Variants in LARGE1 observed in about 807,000 individuals in gnomAD.
LARGE1 encodes the protein LARGE xylosyl- and glucuronyltransferase 1.
A neutral mutation model predicts 87.6 loss-of-function variants in LARGE1; 43 were observed. The observed-to-expected ratio is 0.49, with a 90% CI of 0.38 to 0.63. LARGE1 has a LOEUF of 0.63. LARGE1 is among the 30% of genes least tolerant of loss of function. LARGE1 has a pLI of 0.00. For synonymous variants in LARGE1, 434 were observed against 394.6 expected, an observed-to-expected ratio of 1.10 and a Z score of -1.18; for missense variants, 802 against 1,000.2, an observed-to-expected ratio of 0.80 and a Z score of 2.67.
At chr22:33,774,731 A>G (rs763568748) in intron 1 of LARGE1, among the ~76,000 whole-genome samples, 4 of 152,228 alleles carry the variant, frequency 2.6e-5, no homozygotes, top group African/African-American at 4.8e-5. Context: ...ATCAATATAA[A>G]GCATTACTAA....
intron 2 of LARGE1, among the ~76,000 whole-genome samples, chr22:33,730,415 T>C (rs1025549154): frequency 3.3e-5 from 5 of 152,208 alleles, no homozygotes; most frequent in East Asian, 1.9e-4. Context: ...ATCTCCACGA[T>C]GTGCTTATTT....
chr22:33,572,015 A>T (rs1602499731), intron 5 of LARGE1: 12 of 346,792 alleles, frequency 3.5e-5, no homozygotes, highest in South Asian at 2.7e-4. Flanking sequence ...TCCAGGCCTT[A>T]ATTTTCTCAC....
intron 7 of LARGE1, among the ~76,000 whole-genome samples, chr22:33,391,262 T>C (rs1478943774): frequency 6.6e-6 from 1 of 152,132 alleles, no homozygotes; most frequent in Non-Finnish European, 1.5e-5. Context: ...ATTAGTTAAC[T>C]GGGGACTTGG....
intron 4 of LARGE1, among the ~76,000 whole-genome samples, chr22:33,621,973 A>G (rs1008974994): frequency 6.6e-6 from 1 of 152,152 alleles, no homozygotes; most frequent in African/African-American, 2.4e-5. Flanking sequence ...CCTTGTCTAT[A>G]AGAAACATCT....
chr22:33,344,874 G>A (rs4401302), intron 9 of LARGE1, among the ~76,000 whole-genome samples: 3,028 of 31,016 alleles, frequency 0.098, 159 homozygotes, highest in South Asian at 0.14. Flanking sequence ...TGAGGGAAAG[G>A]ATCAGCCATC....
chr22:33,531,894 C>T (rs953059641), intron 6 of LARGE1, among the ~76,000 whole-genome samples: 1 of 152,184 alleles, frequency 6.6e-6, no homozygotes, highest in African/African-American at 2.4e-5. Flanking sequence ...ATTATCTTGC[C>T]GGGTGAGCTT....
chr22:33,553,836 A>T (rs1409719645), intron 6 of LARGE1, among the ~76,000 whole-genome samples: 1 of 152,086 alleles, frequency 6.6e-6, no homozygotes, highest in Non-Finnish European at 1.5e-5. Flanking sequence ...ACCTCCAGAG[A>T]TGTCTTTCCT....
intron 2 of LARGE1, among the ~76,000 whole-genome samples, chr22:33,711,833 A>AT (rs1454846982): frequency 6.6e-6 from 1 of 151,378 alleles, no homozygotes. Context: ...TTATTGTTTT[A>AT]TTTTTTTTGC....
intron 2 of LARGE1, among the ~76,000 whole-genome samples, chr22:33,742,651 G>A (rs2145545851): frequency 6.6e-6 from 1 of 152,310 alleles, no homozygotes; most frequent in East Asian, 1.9e-4. Flanking sequence ...CGAGAGCACT[G>A]CCTAATAAAA....
At chr22:33,370,693 ATATGT>A (rs2064775031) in intron 9 of LARGE1, among the ~76,000 whole-genome samples, 1 of 151,748 alleles carries the variant, frequency 6.6e-6, no homozygotes, top group African/African-American at 2.4e-5. Flanking sequence ...ATGTTATATA[ATATGT>A]TATGTTGTAT....
At chr22:33,200,607 T>C (rs989071483) in intron 11 of LARGE1, among the ~76,000 whole-genome samples, 7 of 152,352 alleles carry the variant, frequency 4.6e-5, no homozygotes, top group East Asian at 3.9e-4. Context: ...CATCCACTGA[T>C]GAATGAATAA....
At chr22:33,305,944 T>C (rs1056200496) in intron 11 of LARGE1, among the ~76,000 whole-genome samples, 10 of 150,732 alleles carry the variant, frequency 6.6e-5, no homozygotes, top group African/African-American at 2.5e-4. Context: ...GTTCACGCCA[T>C]TCTCCTGCCT....
rs915849571 is a variant in LARGE1, at chr22:33,316,215, C to T, written c.1321G>A (p.Asp441Asn). ...QKQLSELDED[D>N]LCYEFRRERF... ...TCTCGCCGGAACTCATAGCACAGGTCGTCCTCGTCCAGCTCAGACAGCTGC... is the reference window on the plus strand; with the variant it reads ...TCTCGCCGGAACTCATAGCACAGGTTGTCCTCGTCCAGCTCAGACAGCTGC... Residue 441 changes from aspartate to asparagine, a missense_variant, in exon 11 of 15, where the codon GAC (aspartate) becomes AAC (asparagine). This residue lies in a region of LARGE1 where 625 missense variants were observed against 841.9 expected (regional missense o/e 0.74). Transcript: ENST00000397394. The T allele has an allele frequency of 9.3e-6, 15 of 1,613,948 alleles. No individual in the cohort carries two copies. Among genetic ancestry groups the T allele is most frequent in the East Asian group, 2.2e-5 (1 of 44,874 alleles).
chr22:33,627,011 G>C (rs1488050404), intron 3 of LARGE1, among the ~76,000 whole-genome samples: 1 of 152,200 alleles, frequency 6.6e-6, no homozygotes, highest in African/African-American at 2.4e-5. Context: ...GTGCTAAGGA[G>C]TGAGGGAACA....
At chr22:33,846,594 T>C (rs1303270039) in intron 1 of LARGE1, among the ~76,000 whole-genome samples, 2 of 152,256 alleles carry the variant, frequency 1.3e-5, no homozygotes, top group African/African-American at 4.8e-5. Flanking sequence ...AACAGAGCCA[T>C]ATTTCTCTTC....
intron 11 of LARGE1, among the ~76,000 whole-genome samples, chr22:33,190,434 C>G (rs1489762982): frequency 6.6e-6 from 1 of 152,154 alleles, no homozygotes; most frequent in Non-Finnish European, 1.5e-5. Flanking sequence ...TATGGCGGTT[C>G]CTGCTCATAG....
At chr22:33,228,043 C>T (rs185578603) in intron 11 of LARGE1, among the ~76,000 whole-genome samples, 3 of 152,230 alleles carry the variant, frequency 2.0e-5, no homozygotes, top group Non-Finnish European at 4.4e-5. Context: ...TAAGTGCTCA[C>T]TTAAATAAGC....
At chr22:33,303,622 T>C (rs967905781) in intron 12 of LARGE1, among the ~76,000 whole-genome samples, 30 of 152,200 alleles carry the variant, frequency 2.0e-4, no homozygotes, top group African/African-American at 7.0e-4. Context: ...TTTTCTTCTA[T>C]TTATTATTAT....
chr22:33,470,626 C>T (rs1489830393), intron 6 of LARGE1, among the ~76,000 whole-genome samples: 6 of 152,224 alleles, frequency 3.9e-5, no homozygotes, highest in Non-Finnish European at 5.9e-5. Context: ...CTCACCTCCC[C>T]GGAAGGGCCC....
Sources: gnomAD v4.1 joint callset for allele counts (sites outside exome capture counted in the v4.1 genomes callset) on GRCh38, gnomAD v4.1.1 for gene constraint, gnomAD v4.1.1 regional missense constraint, MANE v1.5 for transcripts, NCBI Gene and HGNC (gene_info 2026-07-23, HGNC 2026-07-21) for gene names.